CSMD1: variants seen among roughly 807,000 people sequenced by gnomAD.
CSMD1 encodes the protein CUB and Sushi multiple domains 1.
In CSMD1, 213 loss-of-function variants were observed where a neutral mutation model predicts 417.5. That is an observed-to-expected ratio of 0.51 (90% CI 0.46 to 0.57). The LOEUF (loss-of-function observed/expected upper bound fraction) is 0.57. Ranked by LOEUF, CSMD1 falls within the 20% of genes least tolerant of loss-of-function variation. The pLI, the probability that CSMD1 is intolerant of heterozygous loss-of-function variation, is 0.00. For synonymous variants in CSMD1, 2,862 were observed against 1,736.8 expected (o/e 1.65, Z -16.11); for missense variants, 6,923 against 4,529.7 (o/e 1.53, Z -15.17).
intron 49 of CSMD1, among the ~76,000 whole-genome samples, chr8:3,063,089 A>G (rs1214901900): frequency 6.6e-6 from 1 of 152,170 alleles, no homozygotes; most frequent in Non-Finnish European, 1.5e-5. Flanking sequence ...CTCACTAAGC[A>G]TTTAATCAAT....
chr8:4,018,425 G>T (rs1385402802), intron 4 of CSMD1, among the ~76,000 whole-genome samples: 1 of 152,112 alleles, frequency 6.6e-6, no homozygotes, highest in Non-Finnish European at 1.5e-5. Context: ...CTCCCAGTTT[G>T]CAATCTCTGA....
At chr8:3,942,860 G>T (rs1056123322) in intron 5 of CSMD1, among the ~76,000 whole-genome samples, 1 of 152,126 alleles carries the variant, frequency 6.6e-6, no homozygotes, top group African/African-American at 2.4e-5. Flanking sequence ...CCCACAAATT[G>T]ATGTGATAAT....
At chr8:4,791,523 T>G (rs1365283148) in intron 1 of CSMD1, among the ~76,000 whole-genome samples, 1 of 152,166 alleles carries the variant, frequency 6.6e-6, no homozygotes. Flanking sequence ...TCCCCTAAAG[T>G]TGTATAAGAG....
chr8:3,042,375 G>A (rs1179285963), intron 50 of CSMD1, among the ~76,000 whole-genome samples: 1 of 152,078 alleles, frequency 6.6e-6, no homozygotes, highest in Non-Finnish European at 1.5e-5. Flanking sequence ...AGGTGGATAT[G>A]TACCTCCTAT....
At chr8:3,708,996 C>T (rs895574208) in intron 6 of CSMD1, among the ~76,000 whole-genome samples, 3 of 152,162 alleles carry the variant, frequency 2.0e-5, no homozygotes, top group Admixed American at 6.5e-5. Context: ...GCATGCTCTA[C>T]GTGCTGTAGA....
chr8:3,369,447 C>A, intron 18 of CSMD1, 77 bp from the exon 19 acceptor site: 1 of 711,944 alleles, frequency 1.4e-6, no homozygotes. Context: ...GGTTAAATGG[C>A]ATGCAATTTG....
intron 2 of CSMD1, among the ~76,000 whole-genome samples, chr8:4,559,521 A>C (rs1286508689): frequency 6.6e-6 from 1 of 152,220 alleles, no homozygotes. Flanking sequence ...GAGGGTTCAT[A>C]TTAAGTTCTT....
intron 1 of CSMD1, among the ~76,000 whole-genome samples, chr8:4,756,353 G>A (rs1420190563): frequency 1.3e-5 from 2 of 152,028 alleles, no homozygotes; most frequent in East Asian, 1.9e-4. Context: ...CAGGCATACT[G>A]GCCATATTTT....
At chr8:3,420,025 G>A (rs1381376330) in intron 12 of CSMD1, among the ~76,000 whole-genome samples, 1 of 152,134 alleles carries the variant, frequency 6.6e-6, no homozygotes, top group East Asian at 1.9e-4. Context: ...AGAAGCCAAT[G>A]CACAGTGCCT....
At chr8:4,311,220 T>C (rs1339163603) in intron 3 of CSMD1, among the ~76,000 whole-genome samples, 7 of 152,132 alleles carry the variant, frequency 4.6e-5, no homozygotes, top group African/African-American at 1.7e-4. Flanking sequence ...TATAGCACCG[T>C]TCACAACAGC....
chr8:3,308,957 T>A (rs1805109944), intron 23 of CSMD1, among the ~76,000 whole-genome samples: 1 of 152,000 alleles, frequency 6.6e-6, no homozygotes, highest in South Asian at 2.1e-4. Flanking sequence ...ATACCTGACT[T>A]CAGGCAATCC....
At chr8:4,349,558 A>T (rs752385787) in intron 3 of CSMD1, among the ~76,000 whole-genome samples, 37 of 152,238 alleles carry the variant, frequency 2.4e-4, no homozygotes, top group Admixed American at 4.6e-4. Flanking sequence ...TTTTTATATT[A>T]GGTGACATAG....
intron 2 of CSMD1, among the ~76,000 whole-genome samples, chr8:4,511,113 A>G (rs972818991): frequency 1.3e-5 from 2 of 152,142 alleles, no homozygotes; most frequent in African/African-American, 2.4e-5. Flanking sequence ...AGATGTGAAC[A>G]GAATACCAAC....
chr8:4,730,549 G>T (rs980056839), intron 1 of CSMD1, among the ~76,000 whole-genome samples: 3 of 151,986 alleles, frequency 2.0e-5, no homozygotes, highest in Non-Finnish European at 2.9e-5. Flanking sequence ...GACCATCCTG[G>T]CTAACACGGT....
chr8:3,481,665 T>C (rs34380084), intron 11 of CSMD1, among the ~76,000 whole-genome samples: 72,468 of 152,052 alleles, frequency 0.48, 17,679 homozygotes, highest in South Asian at 0.54. Flanking sequence ...CTAGTATCCA[T>C]ATAAGAGAGA....
At chr8:4,043,604 C>T (rs1798002408) in intron 3 of CSMD1, among the ~76,000 whole-genome samples, 1 of 152,116 alleles carries the variant, frequency 6.6e-6, no homozygotes, top group Non-Finnish European at 1.5e-5. Context: ...TGTAGAATAG[C>T]CAAACTGGAA....
At chr8:4,046,850 T>A (rs1055915971) in intron 3 of CSMD1, among the ~76,000 whole-genome samples, 1 of 152,170 alleles carries the variant, frequency 6.6e-6, no homozygotes, top group African/African-American at 2.4e-5. Context: ...ATTATTTCCC[T>A]GAATTCTTCC....
At chr8:3,643,459 T>C (rs1308763076) in intron 7 of CSMD1, among the ~76,000 whole-genome samples, 3 of 151,976 alleles carry the variant, frequency 2.0e-5, no homozygotes, top group South Asian at 4.2e-4. Flanking sequence ...TCCTAGCACT[T>C]TGGGAGGCCG....
chr8:3,632,998 G>A (rs1796858297), intron 7 of CSMD1, among the ~76,000 whole-genome samples: 1 of 152,350 alleles, frequency 6.6e-6, no homozygotes, highest in Admixed American at 6.5e-5. Flanking sequence ...TCGCACCTGA[G>A]AGATATGTTT....
Sources: allele counts gnomAD v4.1 joint callset (sites outside exome capture counted in the v4.1 genomes callset), GRCh38; gene constraint gnomAD v4.1.1; transcripts MANE v1.5; gene names NCBI Gene and HGNC (gene_info 2026-07-23, HGNC 2026-07-21).